The following BRD7 variants were observed in gnomAD, a reference collection of about 807,000 sequenced individuals.
BRD7 encodes the protein bromodomain-containing protein 7.
A neutral mutation model predicts 82.1 loss-of-function variants in BRD7; 15 were observed. The ratio of observed to expected loss-of-function variants is 0.18; its 90% CI spans 0.12 to 0.28. The LOEUF (loss-of-function observed/expected upper bound fraction) is 0.28. Ranked by LOEUF, BRD7 falls within the 10% of genes least tolerant of loss-of-function variation. The pLI, the probability that BRD7 is intolerant of heterozygous loss-of-function variation, is 1.00. For missense variants in BRD7, 638 were observed against 779.9 expected (o/e 0.82, Z 2.17); for synonymous variants, 232 against 266.9 (o/e 0.87, Z 1.27).
At chr16:50,364,666 G>A (rs1014317420) in intron 2 of BRD7, among the ~76,000 whole-genome samples, 1 of 152,186 alleles carries the variant, frequency 6.6e-6, no homozygotes. Context: ...ACACAGGGGG[G>A]AGAACACTTC....
intron 2 of BRD7, among the ~76,000 whole-genome samples, chr16:50,363,184 C>A (rs1264332242): frequency 1.3e-5 from 2 of 152,166 alleles, no homozygotes; most frequent in East Asian, 3.8e-4. Flanking sequence ...TATCAATTAA[C>A]AGCCTCACAG....
At chr16:50,363,659 GT>G (rs2039019831) in intron 2 of BRD7, among the ~76,000 whole-genome samples, 2 of 54,834 alleles carry the variant, frequency 3.6e-5, no homozygotes, top group African/African-American at 8.3e-5. Flanking sequence ...GTGTGTGTGT[GT>G]GCGCGCGCGC....
intron 2 of BRD7, among the ~76,000 whole-genome samples, chr16:50,358,666 A>T (rs1208326969): frequency 6.6e-6 from 1 of 152,182 alleles, no homozygotes; most frequent in Non-Finnish European, 1.5e-5. Flanking sequence ...GCCAAGTGGA[A>T]AAAGTACCAA....
intron 2 of BRD7, among the ~76,000 whole-genome samples, chr16:50,362,511 G>A (rs1038902299): frequency 6.7e-6 from 1 of 148,596 alleles, no homozygotes; most frequent in Admixed American, 6.6e-5. Flanking sequence ...CATGTTCCTC[G>A]CAGCATTATT....
intron 13 of BRD7, among the ~76,000 whole-genome samples, chr16:50,321,133 C>T (rs975380080): frequency 6.6e-6 from 1 of 152,166 alleles, no homozygotes; most frequent in African/African-American, 2.4e-5. Context: ...CTTGTGTTTT[C>T]GAGATTCAAA....
chr16:50,350,646 ACG>A (rs959942705), intron 4 of BRD7, among the ~76,000 whole-genome samples: 1 of 152,304 alleles, frequency 6.6e-6, no homozygotes, highest in African/African-American at 2.4e-5. Context: ...AACTTCTATC[ACG>A]TGTATGTGGG....
intron 2 of BRD7, among the ~76,000 whole-genome samples, chr16:50,362,276 T>C (rs1173210303): frequency 6.6e-6 from 1 of 152,130 alleles, no homozygotes; most frequent in Non-Finnish European, 1.5e-5. Context: ...TGGGCAGAGG[T>C]TGGTGCCTAC....
At chr16:50,359,562 TTAAA>T (rs1243725943) in intron 2 of BRD7, among the ~76,000 whole-genome samples, 1 of 152,136 alleles carries the variant, frequency 6.6e-6, no homozygotes, top group Non-Finnish European at 1.5e-5. Flanking sequence ...GAGATGTTCA[TTAAA>T]TAACTCATTC....
In BRD7 at chr16:50,326,407, G is replaced by C. The variant is rs778490789; in HGVS notation, c.1088-16C>G. The stretch of plus-strand genomic sequence containing the variant: ...TAGCCTGGCTCTACAACATAAAACA[G>C]AGCACAGTGAAGGAGGCCTACATGG... On this transcript the variant is annotated splice_polypyrimidine_tract_variant and intron_variant, in intron 9 of 16. Transcript: ENST00000394688. The C allele has an allele frequency of 8.5e-6, 13 of 1,523,138 alleles. No individual in the cohort carries two copies. Among genetic ancestry groups the C allele is most frequent in the Admixed American group, 2.0e-5 (1 of 49,902 alleles). The allele number at this position is 1,523,138 out of a possible 1,614,324, so 94.4% of individuals were successfully genotyped here.
At chr16:50,353,519 A>G (rs2151193796) in intron 4 of BRD7, among the ~76,000 whole-genome samples, 1 of 152,312 alleles carries the variant, frequency 6.6e-6, no homozygotes, top group Admixed American at 6.5e-5. Flanking sequence ...AACCCTTTGC[A>G]AATAATGGAA....
At chr16:50,353,833 C>CAG (rs2038631724) in intron 4 of BRD7, among the ~76,000 whole-genome samples, 1 of 151,010 alleles carries the variant, frequency 6.6e-6, no homozygotes, top group Non-Finnish European at 1.5e-5. Flanking sequence ...CTCCTGACCT[C>CAG]GTGATCTGCC....
Position 50,317,644 on chromosome 16 carries a change from AGTT to A in BRD7, c.*1564_*1566del, listed in dbSNP as rs1489837124. 2.0e-5 allele frequency: 3 copies of A among 152,358 alleles called. No homozygotes were observed. Among genetic ancestry groups the A allele is most frequent in the Admixed American group, 6.5e-5 (1 of 15,292 alleles). The allele number at this position is 152,358 out of a possible 1,614,324, so 9.4% of individuals were successfully genotyped here. On this transcript the variant is annotated 3_prime_UTR_variant, in exon 17 of 17. Coordinates refer to ENST00000394688, the MANE Select transcript of BRD7 (RefSeq NM_013263.5). ...TAATAGTTTGTAAGTAAAAGTTTTT[AGTT>A]TTCAGTGTTCAGGTTATAGAATATA...
intron 2 of BRD7, among the ~76,000 whole-genome samples, chr16:50,365,532 G>C (rs930449887): frequency 1.4e-4 from 22 of 152,334 alleles, no homozygotes; most frequent in Admixed American, 8.5e-4. Context: ...ATTTGGGAGA[G>C]AGAGACAGGG....
intron 5 of BRD7, among the ~76,000 whole-genome samples, chr16:50,344,268 C>G (rs1341691996): frequency 1.3e-5 from 2 of 152,178 alleles, no homozygotes; most frequent in Non-Finnish European, 1.5e-5. Flanking sequence ...ATGTCACCAT[C>G]ATCAAAGACC....
chr16:50,349,677 G>C (rs924412649), intron 5 of BRD7: 8 of 448,312 alleles, frequency 1.8e-5, no homozygotes, highest in African/African-American at 1.7e-4. Flanking sequence ...CATATGTCTA[G>C]AAATAGAAAA....
chr16:50,353,484 TAAA>T (rs746520492), intron 4 of BRD7, among the ~76,000 whole-genome samples: 15 of 152,168 alleles, frequency 9.9e-5, no homozygotes, highest in Non-Finnish European at 1.5e-5. Flanking sequence ...AAGTCCACTG[TAAA>T]AATGTATGAT....
chr16:50,325,918 T>G (rs2037319257), intron 10 of BRD7, 35 bp from the exon 11 acceptor site: 9 of 1,542,648 alleles, frequency 5.8e-6, no homozygotes, highest in Non-Finnish European at 7.9e-6. Context: ...ACACTATTCT[T>G]TAACTTGCAT....
chr16:50,336,106 T>G (rs1350264074), intron 6 of BRD7, among the ~76,000 whole-genome samples: 1 of 152,210 alleles, frequency 6.6e-6, no homozygotes, highest in Non-Finnish European at 1.5e-5. Flanking sequence ...AGTTAATAAA[T>G]TATAAGCATT....
chr16:50,352,475 T>C (rs1339973355), intron 4 of BRD7, among the ~76,000 whole-genome samples: 2 of 152,216 alleles, frequency 1.3e-5, no homozygotes, highest in Non-Finnish European at 2.9e-5. Flanking sequence ...GATTCCATCT[T>C]GGCTACTATG....
Sources: allele counts gnomAD v4.1 joint callset (sites outside exome capture counted in the v4.1 genomes callset), GRCh38; gene constraint gnomAD v4.1.1; transcripts MANE v1.5; gene names NCBI Gene and HGNC (gene_info 2026-07-23, HGNC 2026-07-21).